SPRY3: variants seen among roughly 807,000 people sequenced by gnomAD.
The protein encoded by SPRY3 is protein sprouty homolog 3.
A neutral mutation model predicts 20.2 loss-of-function variants in SPRY3; 15 were observed. The observed-to-expected ratio is 0.74, with a 90% confidence interval of 0.50 to 1.14. The LOEUF (loss-of-function observed/expected upper bound fraction) is 1.14. SPRY3 is among the 50% of genes most tolerant of loss of function. SPRY3 has a pLI of 0.00. For synonymous variants in SPRY3, 143 were observed against 136.5 expected (o/e 1.05, Z -0.33); for missense variants, 364 against 363.9 (o/e 1.00, Z 0.00).
intron 2 of SPRY3, among the ~76,000 whole-genome samples, chrX:155,722,729 C>A (rs111990221): frequency 6.6e-6 from 1 of 152,002 alleles, no homozygotes; most frequent in African/African-American, 2.4e-5. Flanking sequence ...AAGACATAGA[C>A]TGGCTGAATG....
chrX:155,739,789 A>C (rs752393738), intron 2 of SPRY3, among the ~76,000 whole-genome samples: 1 of 152,294 alleles, frequency 6.6e-6, no homozygotes, highest in South Asian at 2.1e-4. Flanking sequence ...AACAACAAAA[A>C]AGACCCCACA....
chrX:155,681,928 G>T (rs771895336), intron 2 of SPRY3, among the ~76,000 whole-genome samples: 1 of 112,902 alleles, frequency 8.9e-6, no homozygotes, highest in South Asian at 3.6e-4. Flanking sequence ...TGGGGAAGCT[G>T]CAGTGAGTTA....
intron 2 of SPRY3, among the ~76,000 whole-genome samples, chrX:155,756,566 G>C (rs1439143539): frequency 6.6e-6 from 1 of 152,044 alleles, no homozygotes; most frequent in African/African-American, 2.4e-5. Flanking sequence ...GTGTGACTTA[G>C]GGAACTCACA....
chrX:155,695,230 A>G lies in SPRY3; in HGVS notation c.-282+38205A>G, dbSNP rs1277753012. On this transcript the variant is annotated intron_variant, in intron 2 of 3. Transcript: ENST00000675360. The stretch of plus-strand genomic sequence containing the variant: ...GTTGTTATTTCATCTCCATTATTGA[A>G]TAATATTTTCACAATTTATAAAACT... Among the ~76,000 whole-genome samples, 6 of 111,060 alleles carry G rather than the reference A, an allele frequency of 5.4e-5. No individual in the cohort carries two copies. The Admixed American group carries it at 5.7e-4, about 11-fold the overall frequency.
chrX:155,681,705 G>A (rs2068074626), intron 2 of SPRY3, among the ~76,000 whole-genome samples: 1 of 112,534 alleles, frequency 8.9e-6, no homozygotes, highest in African/African-American at 3.2e-5. Context: ...GAAAGTTTGT[G>A]TGCTCTGGAT....
intron 2 of SPRY3, among the ~76,000 whole-genome samples, chrX:155,724,937 A>G (rs1475126073): frequency 6.6e-6 from 1 of 152,124 alleles, no homozygotes; most frequent in Non-Finnish European, 1.5e-5. Context: ...CCCATTCAGT[A>G]TGATATTGGC....
At chrX:155,771,498 A>G (rs2091381255) in intron 3 of SPRY3, among the ~76,000 whole-genome samples, 3 of 152,166 alleles carry the variant, frequency 2.0e-5, no homozygotes, top group Admixed American at 2.0e-4. Context: ...AATTAGTCTA[A>G]ACTGCATTCA....
At chrX:155,655,780 G>A (rs782342791) in intron 1 of SPRY3, among the ~76,000 whole-genome samples, 16 of 111,946 alleles carry the variant, frequency 1.4e-4, no homozygotes, top group Non-Finnish European at 3.0e-4. Context: ...TCCTTCCAGA[G>A]CTCTTGTAAG....
intron 3 of SPRY3, among the ~76,000 whole-genome samples, chrX:155,773,307 GATATATATATATATATATATAT>G (rs1556238552): frequency 1.7e-5 from 2 of 120,722 alleles, no homozygotes; most frequent in East Asian, 2.7e-4. Context: ...ATTTTGATTG[GATATATATATATATATATATAT>G]ATATATATAT....
intron 2 of SPRY3, among the ~76,000 whole-genome samples, chrX:155,688,799 T>TATTAAGCCCAG (rs1310794245): frequency 1.0e-4 from 9 of 87,857 alleles, no homozygotes; most frequent in African/African-American, 1.6e-4. Context: ...ATCACCTAGC[T>TATTAAGCCCAG]CTTTTCCCTA....
chrX:155,765,387 T>C (rs2091321399), intron 2 of SPRY3, among the ~76,000 whole-genome samples: 2 of 152,172 alleles, frequency 1.3e-5, no homozygotes, highest in Admixed American at 1.3e-4. Context: ...CCTTGGTTTC[T>C]CATTTTAAAA....
chrX:155,778,094 G>A (rs2091440510), downstream of SPRY3: 2 of 166,988 alleles, frequency 1.2e-5, no homozygotes, highest in South Asian at 4.1e-4. Context: ...GCACAGAGAA[G>A]TTAAGTGACT....
intron 2 of SPRY3, among the ~76,000 whole-genome samples, chrX:155,698,240 T>C (rs755519866): frequency 6.3e-5 from 7 of 111,979 alleles, no homozygotes; most frequent in African/African-American, 2.3e-4. Context: ...ATTTCACTTA[T>C]ATCTCTTTGG....
rs755247523 is a variant in SPRY3, at chrX:155,691,758, C to G, written c.-282+34733C>G. On this transcript the variant is annotated intron_variant, in intron 2 of 3. Transcript: ENST00000675360. ...TCACAGTAACTGGGATATCCATCGC[C>G]TCAACCATTTATTATTTCTTCATCT... Among the ~76,000 whole-genome samples, 9 of 87,799 alleles carry G rather than the reference C, an allele frequency of 1.0e-4. 2 individuals are homozygous for G. Among genetic ancestry groups the G allele is most frequent in the African/African-American group, 4.4e-4 (8 of 18,369 alleles). 76.2% of individuals were successfully genotyped at this position (87,799 alleles called of 115,157 possible).
At chrX:155,752,294 A>T (rs1339312140) in intron 2 of SPRY3, among the ~76,000 whole-genome samples, 1 of 151,726 alleles carries the variant, frequency 6.6e-6, no homozygotes, top group African/African-American at 2.4e-5. Flanking sequence ...CTATCAAAAA[A>T]TATGAAATCA....
At chrX:155,771,911 A>G (rs1397525620) in intron 3 of SPRY3, among the ~76,000 whole-genome samples, 1 of 152,168 alleles carries the variant, frequency 6.6e-6, no homozygotes, top group Non-Finnish European at 1.5e-5. Flanking sequence ...TATTTTATAA[A>G]ATTGTGTAGT....
At chrX:155,759,204 A>G (rs1272369009) in intron 2 of SPRY3, among the ~76,000 whole-genome samples, 2 of 151,368 alleles carry the variant, frequency 1.3e-5, no homozygotes, top group Non-Finnish European at 2.9e-5. Flanking sequence ...TTGTATTTTT[A>G]GTAGAGACTG....
intron 1 of SPRY3, among the ~76,000 whole-genome samples, chrX:155,641,839 C>G (rs1213147420): frequency 1.7e-5 from 2 of 114,757 alleles, no homozygotes; most frequent in Non-Finnish European, 3.7e-5. Context: ...ACATTCCTTT[C>G]AGTTTCAGGG....
chrX:155,711,450 C>G lies in SPRY3; in HGVS notation c.-282+54425C>G, dbSNP rs1200115027. Among the ~76,000 whole-genome samples, 3 of 151,778 alleles carry G rather than the reference C, an allele frequency of 2.0e-5. No individual in the cohort carries two copies. The South Asian group carries it at 6.2e-4, about 32-fold the overall frequency. ...TCCAATTTATTGGCATATAGTTGCT[C>G]ATAGTAGCTGCTAGTGATCCTTTGA... is the stretch of plus-strand genomic sequence containing the variant. On this transcript the variant is annotated intron_variant, in intron 2 of 3. Transcript: ENST00000675360.
Sources: gnomAD v4.1 joint callset for allele counts (sites outside exome capture counted in the v4.1 genomes callset) on GRCh38, gnomAD v4.1.1 for gene constraint, MANE v1.5 for transcripts, NCBI Gene and HGNC (gene_info 2026-07-23, HGNC 2026-07-21) for gene names.